The following MDGA2 variants were observed in gnomAD, a reference collection of about 807,000 sequenced individuals.
The protein encoded by MDGA2 is MAM domain-containing glycosylphosphatidylinositol anchor protein 2.
Under a neutral mutation model 117.8 loss-of-function variants are expected in MDGA2, and 40 were observed. That is an observed-to-expected ratio of 0.34 (90% CI 0.26 to 0.44). The LOEUF is 0.44. Among genes scored for constraint, MDGA2 ranks in the 20% least tolerant of loss-of-function variants. MDGA2 has a pLI of 1.00. For synonymous variants in MDGA2, 452 were observed against 439.0 expected (o/e 1.03, Z -0.37); for missense variants, 1,123 against 1,250.6 (o/e 0.90, Z 1.54).
chr14:47,180,907 C>A (rs1388909807), intron 3 of MDGA2, among the ~76,000 whole-genome samples: 1 of 151,900 alleles, frequency 6.6e-6, no homozygotes, highest in East Asian at 1.9e-4. Flanking sequence ...GGCGACAGAG[C>A]GAGACTTCCA....
intron 1 of MDGA2, among the ~76,000 whole-genome samples, chr14:47,372,288 A>C (rs1022232089): frequency 6.6e-6 from 1 of 151,892 alleles, no homozygotes; most frequent in Admixed American, 6.6e-5. Flanking sequence ...AACAAAAAAA[A>C]GTCAAAAATC....
intron 1 of MDGA2, among the ~76,000 whole-genome samples, chr14:47,404,126 T>C (rs534667943): frequency 2.5e-4 from 38 of 152,274 alleles, no homozygotes; most frequent in South Asian, 2.1e-4. Context: ...TATTTTGTTA[T>C]AGAGAGTCAT....
intron 10 of MDGA2, among the ~76,000 whole-genome samples, chr14:46,886,222 T>C (rs1481969364): frequency 6.6e-6 from 1 of 152,150 alleles, no homozygotes; most frequent in Non-Finnish European, 1.5e-5. Flanking sequence ...GAAACAAGTA[T>C]ATTCATCGCA....
chr14:47,397,534 C>A (rs939036664), intron 1 of MDGA2, among the ~76,000 whole-genome samples: 2 of 151,654 alleles, frequency 1.3e-5, no homozygotes, highest in African/African-American at 4.8e-5. Flanking sequence ...AAAACTAAGA[C>A]CTAACATTGA....
chr14:47,655,124 G>A (rs1897719796), intron 1 of MDGA2, among the ~76,000 whole-genome samples: 1 of 152,132 alleles, frequency 6.6e-6, no homozygotes, highest in African/African-American at 2.4e-5. Context: ...TAAACAAGCA[G>A]ATAGATGCTG....
intron 1 of MDGA2, among the ~76,000 whole-genome samples, chr14:47,409,077 G>C (rs751092266): frequency 2.6e-5 from 4 of 152,154 alleles, no homozygotes; most frequent in African/African-American, 4.8e-5. Flanking sequence ...AGAAAGGCGG[G>C]GGGGACTGGA....
intron 1 of MDGA2, among the ~76,000 whole-genome samples, chr14:47,448,137 T>G (rs879711998): frequency 6.1e-5 from 1 of 16,518 alleles, no homozygotes; most frequent in Non-Finnish European, 1.1e-4. Flanking sequence ...ATTTATTTAT[T>G]TTATTTTATT....
intron 3 of MDGA2, among the ~76,000 whole-genome samples, chr14:47,188,505 C>T (rs1048277069): frequency 6.6e-6 from 1 of 152,154 alleles, no homozygotes; most frequent in Middle Eastern, 3.2e-3. Flanking sequence ...TCCTAGATGA[C>T]ACACTGATGA....
chr14:47,059,847 C>A (rs1889817481), intron 7 of MDGA2, among the ~76,000 whole-genome samples: 1 of 152,124 alleles, frequency 6.6e-6, no homozygotes, highest in African/African-American at 2.4e-5. Context: ...AAAATGAGGA[C>A]AAATTATCCT....
chr14:47,000,331 A>ATT (rs1294294650), intron 8 of MDGA2, among the ~76,000 whole-genome samples: 70 of 100,878 alleles, frequency 6.9e-4, no homozygotes, highest in South Asian at 3.8e-3. Context: ...ATATATATAT[A>ATT]TTTATATATA....
chr14:47,404,700 C>T (rs1892225776), intron 1 of MDGA2, among the ~76,000 whole-genome samples: 1 of 151,972 alleles, frequency 6.6e-6, no homozygotes. Context: ...CACTATGTTG[C>T]TCAGGTTGGT....
chr14:47,483,627 G>A (rs143488888), intron 1 of MDGA2, among the ~76,000 whole-genome samples: 18 of 152,282 alleles, frequency 1.2e-4, no homozygotes, highest in South Asian at 2.1e-4. Flanking sequence ...GATGGTGACA[G>A]ACAAAGCTGA....
At chr14:47,114,641 G>A (rs375495872) in intron 5 of MDGA2, among the ~76,000 whole-genome samples, 7 of 152,068 alleles carry the variant, frequency 4.6e-5, no homozygotes, top group South Asian at 2.1e-4. Flanking sequence ...TCTGATCTTC[G>A]ACAAACCTGA....
chr14:46,944,155 A>G (rs896989632), intron 9 of MDGA2, among the ~76,000 whole-genome samples: 2 of 151,948 alleles, frequency 1.3e-5, no homozygotes, highest in African/African-American at 4.8e-5. Context: ...TTTGTACTGC[A>G]GTTTCACAGA....
At chr14:47,367,945 T>C (rs911473042) in intron 1 of MDGA2, among the ~76,000 whole-genome samples, 6 of 152,150 alleles carry the variant, frequency 3.9e-5, no homozygotes, top group Non-Finnish European at 5.9e-5. Flanking sequence ...TCCCTAAAAA[T>C]ATCAAAGTAA....
At chr14:47,612,317 T>C (rs1206724077) in intron 1 of MDGA2, among the ~76,000 whole-genome samples, 1 of 152,140 alleles carries the variant, frequency 6.6e-6, no homozygotes, top group East Asian at 1.9e-4. Flanking sequence ...ACAGTCACAG[T>C]ATAAAAGCTT....
intron 9 of MDGA2, among the ~76,000 whole-genome samples, chr14:46,951,890 G>A (rs1049944020): frequency 6.6e-6 from 1 of 151,858 alleles, no homozygotes; most frequent in African/African-American, 2.4e-5. Flanking sequence ...AATTCTTTAT[G>A]CAGAAATAAT....
chr14:47,508,923 C>G (rs1411439102), intron 1 of MDGA2, among the ~76,000 whole-genome samples: 2 of 152,258 alleles, frequency 1.3e-5, no homozygotes, highest in East Asian at 3.9e-4. Context: ...ATCTCCTGAC[C>G]TCGTGATCCA....
chr14:47,143,993 T>C (rs1041431482), intron 4 of MDGA2, 85 bp downstream of exon 4: 96 of 1,037,004 alleles, frequency 9.3e-5, no homozygotes, highest in Non-Finnish European at 2.1e-5. Flanking sequence ...GAAACTATCT[T>C]TTCAAATAGC....
Sources: gnomAD v4.1 joint callset for allele counts (sites outside exome capture counted in the v4.1 genomes callset) on GRCh38, gnomAD v4.1.1 for gene constraint, MANE v1.5 for transcripts, NCBI Gene and HGNC (gene_info 2026-07-23, HGNC 2026-07-21) for gene names.